The following GPHN variants were observed in gnomAD, a reference collection of about 807,000 sequenced individuals.
The protein encoded by GPHN is gephyrin.
A neutral mutation model predicts 95.5 loss-of-function variants in GPHN; 17 were observed. The ratio of observed to expected loss-of-function variants is 0.18; its 90% CI spans 0.12 to 0.27. The LOEUF is 0.27. GPHN is among the 10% of genes least tolerant of loss of function. The pLI, the probability that GPHN is intolerant of heterozygous loss-of-function variation, is 1.00. For missense variants in GPHN, 660 were observed against 978.1 expected (o/e 0.67, Z 4.34); for synonymous variants, 320 against 322.5 (o/e 0.99, Z 0.08).
At chr14:67,246,052 T>C in the GPHN span, among the ~76,000 whole-genome samples, 1 of 152,090 alleles carries the variant, frequency 6.6e-6, no homozygotes, top group Non-Finnish European at 1.5e-5. Context: ...CAAAAGCTAT[T>C]TGACTGCATT....
At chr14:67,004,894 A>G (rs560403741) in intron 9 of GPHN, among the ~76,000 whole-genome samples, 1 of 151,724 alleles carries the variant, frequency 6.6e-6, no homozygotes, top group South Asian at 2.1e-4. Flanking sequence ...GCATGACATT[A>G]CTCTTTATAA....
At chr14:66,799,340 A>G (rs2060265742) in intron 3 of GPHN, among the ~76,000 whole-genome samples, 1 of 151,970 alleles carries the variant, frequency 6.6e-6, no homozygotes, top group African/African-American at 2.4e-5. Flanking sequence ...TATTTGGTCT[A>G]TACTGCAGAC....
chr14:67,525,958 G>C, the GPHN span, among the ~76,000 whole-genome samples: 1 of 152,144 alleles, frequency 6.6e-6, no homozygotes, highest in Admixed American at 6.6e-5. Context: ...GGAAGAAACA[G>C]CAGCCCCGTG....
intron 3 of GPHN, among the ~76,000 whole-genome samples, chr14:66,805,177 G>A (rs1255448578): frequency 1.3e-5 from 2 of 152,162 alleles, no homozygotes; most frequent in Admixed American, 6.6e-5. Flanking sequence ...ATGGATGGCG[G>A]CAGGCAAAGA....
chr14:66,843,325 A>G (rs1343936769), intron 4 of GPHN, among the ~76,000 whole-genome samples: 2 of 152,160 alleles, frequency 1.3e-5, no homozygotes, highest in African/African-American at 2.4e-5. Context: ...AACAAGTGCT[A>G]TGCCATCTGC....
At chr14:66,515,500 G>A (rs1421304149) in intron 1 of GPHN, among the ~76,000 whole-genome samples, 1 of 152,086 alleles carries the variant, frequency 6.6e-6, no homozygotes. Flanking sequence ...GTTGGGTGTT[G>A]TTTGTGTGAG....
chr14:67,348,104 C>T, the GPHN span, among the ~76,000 whole-genome samples: 20 of 150,378 alleles, frequency 1.3e-4, no homozygotes, highest in African/African-American at 2.0e-4. Context: ...AGATGAGTTT[C>T]GCTCTTGTTG....
At chr14:67,288,840 C>T in the GPHN span, among the ~76,000 whole-genome samples, 1 of 152,024 alleles carries the variant, frequency 6.6e-6, no homozygotes, top group South Asian at 2.1e-4. Flanking sequence ...TTAGGTCATT[C>T]TAATGACGGT....
chr14:66,603,001 G>A (rs111488912), intron 1 of GPHN, among the ~76,000 whole-genome samples: 1 of 151,710 alleles, frequency 6.6e-6, no homozygotes, highest in East Asian at 1.9e-4. Flanking sequence ...TTCAATTTTG[G>A]TTCTCTCCGT....
chr14:67,624,687 T>C, the GPHN span, among the ~76,000 whole-genome samples: 760 of 152,172 alleles, frequency 5.0e-3, 33 homozygotes, highest in East Asian at 0.083. Flanking sequence ...ACCTCCAACA[T>C]TGGGGATTAA....
At chr14:67,247,989 T>C in the GPHN span, among the ~76,000 whole-genome samples, 1 of 152,344 alleles carries the variant, frequency 6.6e-6, no homozygotes, top group Non-Finnish European at 1.5e-5. Flanking sequence ...GGTTTTCTTC[T>C]GTTCCTAGGT....
intron 2 of GPHN, among the ~76,000 whole-genome samples, chr14:66,726,730 C>A (rs1390005808): frequency 6.6e-6 from 1 of 152,176 alleles, no homozygotes; most frequent in African/African-American, 2.4e-5. Flanking sequence ...GATTGACCCT[C>A]CCTCATCTGA....
At chr14:66,949,610 T>C (rs1340928325) in intron 8 of GPHN, among the ~76,000 whole-genome samples, 1 of 152,228 alleles carries the variant, frequency 6.6e-6, no homozygotes, top group Admixed American at 6.5e-5. Context: ...GCTGTACTTC[T>C]TTGTACATAG....
At chr14:67,019,304 T>C (rs1315874728) in intron 9 of GPHN, among the ~76,000 whole-genome samples, 2 of 152,212 alleles carry the variant, frequency 1.3e-5, no homozygotes, top group African/African-American at 4.8e-5. Flanking sequence ...AAACAGAAAC[T>C]TAATTTCTAA....
intron 18 of GPHN, among the ~76,000 whole-genome samples, 157 bp downstream of exon 18, chr14:67,143,606 T>G (rs2080635006): frequency 1.3e-5 from 2 of 152,176 alleles, no homozygotes; most frequent in South Asian, 4.1e-4. Flanking sequence ...TTAAAAGGGA[T>G]ACAATGTGGG....
chr14:67,703,949 A>C, the GPHN span, among the ~76,000 whole-genome samples: 2 of 152,188 alleles, frequency 1.3e-5, no homozygotes, highest in African/African-American at 2.4e-5. Context: ...AAGTGCTGGG[A>C]TTACAGGCGT....
At chr14:66,559,900 T>G (rs1021581363) in intron 1 of GPHN, among the ~76,000 whole-genome samples, 1 of 152,198 alleles carries the variant, frequency 6.6e-6, no homozygotes, top group Admixed American at 6.5e-5. Flanking sequence ...TTAATCCATC[T>G]TGAATTAATT....
the GPHN span, among the ~76,000 whole-genome samples, chr14:67,605,116 A>C: frequency 6.6e-6 from 1 of 152,176 alleles, no homozygotes; most frequent in Non-Finnish European, 1.5e-5. Flanking sequence ...TTCACCAAAA[A>C]TTTTGCTTGG....
chr14:66,745,971 G>A (rs745908043), intron 2 of GPHN, among the ~76,000 whole-genome samples: 8 of 152,010 alleles, frequency 5.3e-5, no homozygotes, highest in Non-Finnish European at 1.2e-4. Context: ...TTCTCTCAGA[G>A]TAGAGTCTCT....
Sources: allele counts gnomAD v4.1 joint callset (sites outside exome capture counted in the v4.1 genomes callset), GRCh38; gene constraint gnomAD v4.1.1; transcripts MANE v1.5; gene names NCBI Gene and HGNC (gene_info 2026-07-23, HGNC 2026-07-21).